The following PAN3 variants were observed in gnomAD, a reference collection of about 807,000 sequenced individuals.
The protein encoded by PAN3 is poly(A) specific ribonuclease subunit PAN3.
Under a neutral mutation model 96.2 loss-of-function variants are expected in PAN3, and 19 were observed. The observed-to-expected ratio is 0.20, with a 90% CI of 0.14 to 0.29. PAN3 has a LOEUF of 0.29. Among genes scored for constraint, PAN3 ranks in the 10% least tolerant of loss-of-function variants. The pLI, the probability that PAN3 is intolerant of heterozygous loss-of-function variation, is 1.00. For synonymous variants in PAN3, 433 were observed against 406.6 expected, an observed-to-expected ratio of 1.06 and a Z score of -0.78; for missense variants, 882 against 1,108.1, an observed-to-expected ratio of 0.80 and a Z score of 2.90.
intron 6 of PAN3, among the ~76,000 whole-genome samples, chr13:28,241,459 A>G (rs141767816): frequency 1.9e-4 from 29 of 152,268 alleles, no homozygotes; most frequent in African/African-American, 7.0e-4. Flanking sequence ...TTCTTCTTCT[A>G]TTAAGAAGAG....
At chr13:28,280,037 C>T (rs1012232032) in intron 15 of PAN3, among the ~76,000 whole-genome samples, 1 of 151,908 alleles carries the variant, frequency 6.6e-6, no homozygotes, top group African/African-American at 2.4e-5. Flanking sequence ...CCACCTGCCT[C>T]GGCCTCCCAA....
chr13:28,234,185 T>C lies in PAN3; in HGVS notation c.1000+13807T>C, dbSNP rs557360462. 5.3e-5 allele frequency among the ~76,000 whole-genome samples: 8 copies of C among 152,238 alleles called. No individual in the cohort carries two copies. The South Asian group carries it at 1.7e-3, about 32-fold the overall frequency. On this transcript the variant is annotated intron_variant, in intron 6 of 18. Coordinates refer to ENST00000380958, the MANE Select transcript of PAN3 (RefSeq NM_175854.8). The stretch of plus-strand genomic sequence containing the variant: ...CTTCCCCCTTCCTCTTACTTTCAGT[T>C]CCATGTGGGTTTTGTTGTTGTTATT...
intron 1 of PAN3, among the ~76,000 whole-genome samples, chr13:28,155,724 T>C (rs1270603519): frequency 6.6e-6 from 1 of 152,168 alleles, no homozygotes; most frequent in Non-Finnish European, 1.5e-5. Flanking sequence ...ATCTCATATA[T>C]ACACACACAT....
chr13:28,249,806 C>G (rs1002313990), intron 6 of PAN3, among the ~76,000 whole-genome samples: 1 of 152,154 alleles, frequency 6.6e-6, no homozygotes, highest in Non-Finnish European at 1.5e-5. Context: ...TTTTAGTTAT[C>G]TAGAATTTTA....
chr13:28,187,484 C>T (rs1405880583), intron 4 of PAN3, among the ~76,000 whole-genome samples: 2 of 152,140 alleles, frequency 1.3e-5, no homozygotes, highest in Non-Finnish European at 2.9e-5. Flanking sequence ...TGAATGTGCC[C>T]TTGCATAGCA....
intron 6 of PAN3, among the ~76,000 whole-genome samples, chr13:28,224,333 G>T (rs1343247076): frequency 6.6e-6 from 1 of 152,142 alleles, no homozygotes; most frequent in African/African-American, 2.4e-5. Context: ...GTTTGAAAGT[G>T]ACTGTAAGTG....
At chr13:28,290,436 C>G (rs951026503) in intron 18 of PAN3, among the ~76,000 whole-genome samples, 1 of 152,156 alleles carries the variant, frequency 6.6e-6, no homozygotes, top group Non-Finnish European at 1.5e-5. Context: ...AATCCCAGCA[C>G]TTTGGGAGGC....
At chr13:28,139,158 C>T in intron 1 of PAN3, 71 bp downstream of exon 1, 1 of 1,242,412 alleles carries the variant, frequency 8.0e-7, no homozygotes, top group Non-Finnish European at 1.0e-6. Context: ...GCCCTGCTGC[C>T]GACGGGAGCT....
chr13:28,226,630 C>T (rs1220242906), intron 6 of PAN3, among the ~76,000 whole-genome samples: 2 of 151,994 alleles, frequency 1.3e-5, no homozygotes, highest in Non-Finnish European at 1.5e-5. Flanking sequence ...TTAGGTATCT[C>T]TTAAGTACAG....
intron 18 of PAN3, among the ~76,000 whole-genome samples, chr13:28,290,471 C>T (rs1390643902): frequency 2.6e-5 from 4 of 152,126 alleles, no homozygotes; most frequent in East Asian, 3.9e-4. Context: ...CACCTGAGGT[C>T]GGGAGTTTGA....
At position 28,207,318 on chromosome 13, in the gene PAN3, C is replaced by T. The variant is rs578086108; in HGVS notation, c.852+9972C>T. Reference sequence around the variant, plus strand: ...TTACTCTGTTAGTTATAATGTAGATCCACCTTTAATTCTTGCTTGGATTAT... The same window carrying T: ...TTACTCTGTTAGTTATAATGTAGATTCACCTTTAATTCTTGCTTGGATTAT... On this transcript the variant is annotated intron_variant, in intron 5 of 18. Transcript: ENST00000380958. Among the ~76,000 whole-genome samples, 11 of 152,262 alleles carry T rather than the reference C, an allele frequency of 7.2e-5. No individual in the cohort carries two copies. The South Asian group carries it at 2.3e-3, about 32-fold the overall frequency.
At chr13:28,248,638 C>A (rs918505508) in intron 6 of PAN3, among the ~76,000 whole-genome samples, 7 of 152,282 alleles carry the variant, frequency 4.6e-5, no homozygotes, top group African/African-American at 1.7e-4. Flanking sequence ...AGTCCTCCCA[C>A]CTCAGCCTCC....
chr13:28,240,435 T>C (rs761037724), intron 6 of PAN3, among the ~76,000 whole-genome samples: 3 of 152,208 alleles, frequency 2.0e-5, no homozygotes, highest in Non-Finnish European at 2.9e-5. Flanking sequence ...TATAATTTTG[T>C]TATTTAAGAA....
At chr13:28,269,710 C>T (rs1886454692) in intron 12 of PAN3, among the ~76,000 whole-genome samples, 1 of 151,936 alleles carries the variant, frequency 6.6e-6, no homozygotes, top group South Asian at 2.1e-4. Context: ...CATTTGTTAC[C>T]GGTCCCATTT....
intron 1 of PAN3, among the ~76,000 whole-genome samples, chr13:28,171,503 A>G (rs556908389): frequency 1.3e-5 from 2 of 152,252 alleles, no homozygotes; most frequent in African/African-American, 2.4e-5. Flanking sequence ...CCACACTTCT[A>G]TCCGACTTGG....
At chr13:28,196,307 A>G (rs1478692598) in intron 4 of PAN3, among the ~76,000 whole-genome samples, 2 of 152,188 alleles carry the variant, frequency 1.3e-5, no homozygotes, top group Non-Finnish European at 2.9e-5. Context: ...TCTGAAGGGA[A>G]AAAATACATA....
intron 4 of PAN3, among the ~76,000 whole-genome samples, chr13:28,182,423 T>A (rs182395948): frequency 5.8e-4 from 89 of 152,358 alleles, no homozygotes; most frequent in African/African-American, 2.0e-3. Context: ...CCATCGTTTA[T>A]ATTTCTTTGG....
At chr13:28,214,714 T>A in intron 5 of PAN3, 1 of 487,016 alleles carries the variant, frequency 2.1e-6, no homozygotes, top group Admixed American at 2.8e-5. Flanking sequence ...AAGCTGAGCA[T>A]GAATGTGGTC....
chr13:28,266,849 C>G lies in PAN3; in HGVS notation c.1546C>G (p.Leu516Val). The G allele has an allele frequency of 6.2e-7, 1 of 1,606,846 alleles. No individual in the cohort carries two copies. ...CYKAVNSKDDLPYCLRRIHGF... is the reference protein window; with the variant it reads ...CYKAVNSKDDVPYCLRRIHGF... ...CAAAGCTGTAAACAGCAAAGATGATCTGCCATATTGCCTTCGGAGGATACA... is the reference window on the plus strand; with the variant it reads ...CAAAGCTGTAAACAGCAAAGATGATGTGCCATATTGCCTTCGGAGGATACA... The change falls in exon 10 of 19, where the codon CTG becomes GTG. Residue 516 changes from leucine to valine, a missense_variant. Coordinates refer to ENST00000380958, the MANE Select transcript of PAN3 (RefSeq NM_175854.8).
Sources: gnomAD v4.1 joint callset for allele counts (sites outside exome capture counted in the v4.1 genomes callset) on GRCh38, gnomAD v4.1.1 for gene constraint, MANE v1.5 for transcripts, NCBI Gene and HGNC (gene_info 2026-07-23, HGNC 2026-07-21) for gene names.